The following GALNS variants were observed in gnomAD, a reference collection of about 807,000 sequenced individuals.
The protein encoded by GALNS is N-acetylgalactosamine-6-sulfatase.
GALNS carries 65 observed loss-of-function variants against 65.9 expected under a neutral mutation model. That is an observed-to-expected ratio of 0.99 (90% CI 0.81 to 1.21). The LOEUF (loss-of-function observed/expected upper bound fraction) is 1.21. Ranked by LOEUF, GALNS falls within the 50% of genes most tolerant of loss-of-function variation. GALNS has a pLI of 0.00. For synonymous variants in GALNS, 346 were observed against 288.9 expected, an observed-to-expected ratio of 1.20 and a Z score of -2.00; for missense variants, 776 against 700.7, an observed-to-expected ratio of 1.11 and a Z score of -1.21.
chr16:88,841,856 C>T, intron 3 of GALNS, 41 bp downstream of exon 3: 1 of 1,582,678 alleles, frequency 6.3e-7, no homozygotes, highest in Non-Finnish European at 8.6e-7. Context: ...CTGCCCAACC[C>T]TGCACCCCAA....
chr16:88,840,972 G>A lies in GALNS; in HGVS notation c.422+20C>T, dbSNP rs749535638. On this transcript the variant is annotated intron_variant, in intron 4 of 13. Transcript: ENST00000268695. Reference sequence around the variant, plus strand: ...GTGGATGGAGCAGGACGCCTGGGCAGGCGTGGCCAGGAGACTTACCACTTG... The same window carrying A: ...GTGGATGGAGCAGGACGCCTGGGCAAGCGTGGCCAGGAGACTTACCACTTG... 1.9e-6 allele frequency: 3 copies of A among 1,592,080 alleles called. No individual in the cohort carries two copies. In the South Asian group the frequency reaches 3.3e-5, roughly 18 times the overall value.
intron 9 of GALNS, among the ~76,000 whole-genome samples, chr16:88,829,909 T>C (rs1597554364): frequency 6.6e-6 from 1 of 150,748 alleles, no homozygotes; most frequent in South Asian, 2.1e-4. Flanking sequence ...GAGCAGGGGG[T>C]GGGGTGGGAC....
chr16:88,840,975 G>A lies in GALNS; in HGVS notation c.422+17C>T, dbSNP rs748212930. The A allele has an allele frequency of 5.6e-6, 9 of 1,598,574 alleles. No homozygotes were observed. Among genetic ancestry groups the A allele is most frequent in the Middle Eastern group, 1.7e-4 (1 of 6,058 alleles). ...GATGGAGCAGGACGCCTGGGCAGGC[G>A]TGGCCAGGAGACTTACCACTTGCCG... On this transcript the variant is annotated intron_variant, in intron 4 of 13. Transcript: ENST00000268695.
intron 12 of GALNS, among the ~76,000 whole-genome samples, chr16:88,820,683 G>C (rs759115725): frequency 2.0e-5 from 3 of 152,240 alleles, no homozygotes; most frequent in Non-Finnish European, 2.9e-5. Flanking sequence ...GTGGGACTGT[G>C]TCTCTGCTCT....
chr16:88,826,986 G>A (rs1241797634), intron 9 of GALNS, 148 bp from the exon 10 acceptor site: 11 of 951,774 alleles, frequency 1.2e-5, no homozygotes, highest in Admixed American at 4.2e-5. Context: ...GGGACTGAGC[G>A]GGGTCACAAG....
chr16:88,824,827 G>A lies in GALNS; in HGVS notation c.1182C>T (p.Thr394=). 1 of 1,613,420 alleles carries A rather than the reference G, an allele frequency of 6.2e-7. No homozygotes were observed. The highest frequency in any genetic ancestry group is 8.5e-7 in the Non-Finnish European group (1 of 1,180,016). Residue 394 remains threonine (T), a synonymous_variant, in exon 11 of 14, where the codon ACC becomes ACT. Coordinates refer to ENST00000268695, the MANE Select transcript of GALNS (RefSeq NM_000512.5). The part of the protein sequence containing the change: ...YYRGDTLMAA[T]LGQHKAHFWT... ...AGAAGTGAGCCTTGTGCTGCCCGAG[G>A]GTGGCCGCCATCAGCGTGTCGCCAC...
In GALNS at chr16:88,816,410, G is replaced by A. The variant is rs1909630002; in HGVS notation, c.1482+1597C>T. On this transcript the variant is annotated intron_variant, in intron 13 of 13. Transcript: ENST00000268695. ...CCCGAGACTCAGGGGTCCTGAGACA[G>A]GGACCTCCCTGCTCCACCACTGAGT... 4.1e-6 allele frequency: 4 copies of A among 985,320 alleles called. No individual in the cohort carries two copies. In the African/African-American group the frequency reaches 5.2e-5, roughly 13 times the overall value. 61.0% of individuals were successfully genotyped at this position (985,320 alleles called of 1,614,324 possible).
intron 13 of GALNS, chr16:88,816,602 G>A: frequency 1.0e-6 from 1 of 984,358 alleles, no homozygotes; most frequent in Non-Finnish European, 1.2e-6. Flanking sequence ...CCTGGGCAGG[G>A]ACAAGGCCAT....
At position 88,835,271 on chromosome 16, in the gene GALNS, G is replaced by T; in HGVS notation, c.840C>A (p.Asn280Lys). 1 of 1,611,756 alleles carries T rather than the reference G, an allele frequency of 6.2e-7. No individual in the cohort carries two copies. Among genetic ancestry groups the T allele is most frequent in the South Asian group, 1.1e-5 (1 of 90,402 alleles). ...ELLQDLHVADNTFVFFTSDNG... is the reference protein window; with the variant it reads ...ELLQDLHVADKTFVFFTSDNG... ...TGTCCGACGTGAAGAAGACGAAGGTGTTGTCCGCGACGTGCAGGTCTTGGA... is the reference window on the plus strand; with the variant it reads ...TGTCCGACGTGAAGAAGACGAAGGTTTTGTCCGCGACGTGCAGGTCTTGGA... Residue 280 changes from asparagine to lysine, a missense_variant, in exon 8 of 14, where the codon AAC becomes AAA. Physicochemically the swap from Asn to Lys is moderately conservative, Grantham distance 94. Transcript: ENST00000268695.
intron 8 of GALNS, among the ~76,000 whole-genome samples, chr16:88,832,976 G>C (rs1011919108): frequency 2.6e-5 from 4 of 151,274 alleles, no homozygotes; most frequent in African/African-American, 9.7e-5. Flanking sequence ...TACTCAGGAG[G>C]CTGAGGTGGG....
intron 3 of GALNS, 100 bp from the exon 4 acceptor site, chr16:88,841,194 A>G: frequency 1.1e-6 from 1 of 895,700 alleles, no homozygotes; most frequent in Non-Finnish European, 1.8e-6. Context: ...ACATCCTAAC[A>G]GGACACTGGC....
chr16:88,833,774 G>T (rs1407741738), intron 8 of GALNS, among the ~76,000 whole-genome samples: 1 of 152,194 alleles, frequency 6.6e-6, no homozygotes, highest in Non-Finnish European at 1.5e-5. Context: ...CTTTCTCTGG[G>T]ATGTTCTGTT....
In GALNS at chr16:88,841,082, T is replaced by A; in HGVS notation, c.332A>T (p.Gln111Leu). ...GTCTGGGATGCCGCCCACAATCTCC[T>A]GCGGTGTGTAGGCTGGAAGAGCAGC... ...NAHARNAYTP[Q>L]EIVGGIPDSE... The change falls in exon 4 of 14, where the codon CAG becomes CTG. Residue 111 changes from glutamine to leucine, a missense_variant. By Grantham distance (113) the Gln-to-Leu change is moderately radical (BLOSUM62 -2). Coordinates refer to ENST00000268695, the MANE Select transcript of GALNS (RefSeq NM_000512.5). 1 of 1,612,980 alleles carries A rather than the reference T, an allele frequency of 6.2e-7. No homozygotes were observed. Among genetic ancestry groups the A allele is most frequent in the Non-Finnish European group, 8.5e-7 (1 of 1,179,890 alleles).
intron 9 of GALNS, among the ~76,000 whole-genome samples, chr16:88,828,748 G>A (rs1911180773): frequency 6.6e-6 from 1 of 152,218 alleles, no homozygotes; most frequent in Admixed American, 6.5e-5. Flanking sequence ...GGGTGGGGAG[G>A]TCTGTGGGGT....
At chr16:88,836,018 C>T (rs1232734363) in intron 6 of GALNS, among the ~76,000 whole-genome samples, 169 bp from the exon 7 acceptor site, 8 of 150,806 alleles carry the variant, frequency 5.3e-5, no homozygotes, top group African/African-American at 1.2e-4. Context: ...TCCCACGGGG[C>T]GAGGATGGTG....
intron 1 of GALNS, 155 bp downstream of exon 1, chr16:88,856,597 CCCTCCT>C (rs960651907): frequency 1.8e-6 from 1 of 553,002 alleles, no homozygotes; most frequent in Admixed American, 2.3e-5. Context: ...CGTCCCCTCC[CCCTCCT>C]CCTCCCCGCG....
intron 10 of GALNS, among the ~76,000 whole-genome samples, chr16:88,825,736 G>A (rs1175814313): frequency 6.6e-6 from 1 of 152,222 alleles, no homozygotes; most frequent in Admixed American, 6.5e-5. Context: ...TCCTGACCAT[G>A]TTGGGCCTGC....
Position 88,814,293 on chromosome 16 carries a change from G to A in GALNS, c.*146C>T. 1.8e-6 allele frequency: 2 copies of A among 1,088,412 alleles called. No homozygotes were observed. Among genetic ancestry groups the A allele is most frequent in the Non-Finnish European group, 2.7e-6 (2 of 732,294 alleles). 67.4% of individuals were successfully genotyped at this position (1,088,412 alleles called of 1,614,324 possible). On this transcript the variant is annotated 3_prime_UTR_variant, in exon 14 of 14. Transcript: ENST00000268695. The stretch of plus-strand genomic sequence containing the variant: ...CGCCAGGGTCAGGTCCTGGGCAGGT[G>A]GAATTGTGCAGTCCCCCTGCGTCTG...
intron 5 of GALNS, 41 bp from the exon 6 acceptor site, chr16:88,836,308 C>A: frequency 6.7e-7 from 1 of 1,502,074 alleles, no homozygotes; most frequent in Non-Finnish European, 9.2e-7. Flanking sequence ...AGAATTTAGG[C>A]CAAGAAAGTC....
Sources: allele counts gnomAD v4.1 joint callset (sites outside exome capture counted in the v4.1 genomes callset), GRCh38; gene constraint gnomAD v4.1.1; transcripts MANE v1.5; gene names NCBI Gene and HGNC (gene_info 2026-07-23, HGNC 2026-07-21).